Variants in GSAP observed in about 807,000 individuals in gnomAD.
The protein encoded by GSAP is gamma-secretase-activating protein.
In GSAP, 118 loss-of-function variants were observed where a neutral mutation model predicts 131.7. That is an observed-to-expected ratio of 0.90 (90% CI 0.77 to 1.04). GSAP has a LOEUF of 1.04. Among genes scored for constraint, GSAP ranks in the 50% least tolerant of loss-of-function variants. The probability of loss-of-function intolerance (pLI) is 0.00; values close to 1 mark genes in which losing one functional copy is unlikely to be tolerated. For synonymous variants in GSAP, 381 were observed against 363.4 expected, an observed-to-expected ratio of 1.05 and a Z score of -0.55; for missense variants, 1,019 against 1,013.2, an observed-to-expected ratio of 1.01 and a Z score of -0.08.
intron 6 of GSAP, 34 bp from the exon 7 acceptor site, chr7:77,382,677 AC>A: frequency 8.6e-7 from 1 of 1,167,890 alleles, no homozygotes; most frequent in Non-Finnish European, 1.3e-6. Context: ...ATTGTAAGCA[AC>A]TATCTTGCTT....
intron 12 of GSAP, among the ~76,000 whole-genome samples, chr7:77,373,015 C>T (rs1425700966): frequency 6.6e-6 from 1 of 152,094 alleles, no homozygotes; most frequent in African/African-American, 2.4e-5. Context: ...ATGGATTATG[C>T]AGGAGTGAAG....
At chr7:77,326,702 C>T (rs1055907551) in intron 22 of GSAP, 1 of 155,688 alleles carries the variant, frequency 6.4e-6, no homozygotes. Flanking sequence ...AGTTACTGAG[C>T]TGAGGGGGCC....
At chr7:77,374,862 T>C (rs1019038910) in intron 11 of GSAP, among the ~76,000 whole-genome samples, 196 bp downstream of exon 11, 3 of 152,182 alleles carry the variant, frequency 2.0e-5, no homozygotes, top group Non-Finnish European at 4.4e-5. Context: ...AATCATACAA[T>C]TGACCTTATA....
chr7:77,385,610 G>A (rs965838656), intron 6 of GSAP, among the ~76,000 whole-genome samples: 4 of 152,162 alleles, frequency 2.6e-5, no homozygotes, highest in Non-Finnish European at 4.4e-5. Flanking sequence ...CCACATTGAT[G>A]ACAGTGTAGA....
chr7:77,374,387 T>G (rs2150992312), intron 11 of GSAP, among the ~76,000 whole-genome samples: 1 of 152,286 alleles, frequency 6.6e-6, no homozygotes, highest in Non-Finnish European at 1.5e-5. Flanking sequence ...TCTTACATTT[T>G]TATAACTTTT....
At chr7:77,405,094 TTATAG>T (rs139228367) in intron 2 of GSAP, among the ~76,000 whole-genome samples, 9,766 of 152,288 alleles carry the variant, frequency 0.064, 409 homozygotes, top group Non-Finnish European at 0.09. Flanking sequence ...TGTGTGCTTA[TTATAG>T]TAAAGTTAAA....
chr7:77,369,634 A>G (rs1369635184), intron 12 of GSAP, among the ~76,000 whole-genome samples: 2 of 152,256 alleles, frequency 1.3e-5, no homozygotes, highest in Admixed American at 6.5e-5. Context: ...TAAGTCCATC[A>G]GCATTCCTTT....
At chr7:77,388,203 C>T (rs1198956093) in intron 5 of GSAP, among the ~76,000 whole-genome samples, 3 of 152,246 alleles carry the variant, frequency 2.0e-5, no homozygotes, top group Non-Finnish European at 4.4e-5. Flanking sequence ...GTTGTTTGTA[C>T]TCACTCCATG....
chr7:77,393,621 T>C (rs569353067), intron 5 of GSAP, among the ~76,000 whole-genome samples: 3 of 152,076 alleles, frequency 2.0e-5, no homozygotes, highest in African/African-American at 7.2e-5. Flanking sequence ...CTTTTTCTTA[T>C]GTTCCCATGA....
intron 23 of GSAP, among the ~76,000 whole-genome samples, chr7:77,324,576 G>C (rs114108478): frequency 0.013 from 1,912 of 152,226 alleles, 36 homozygotes; most frequent in African/African-American, 0.044. Flanking sequence ...CAACCTTCAA[G>C]GCCAAGACAT....
At chr7:77,343,563 A>G (rs1020303472) in intron 19 of GSAP, among the ~76,000 whole-genome samples, 3 of 152,216 alleles carry the variant, frequency 2.0e-5, no homozygotes, top group African/African-American at 7.2e-5. Context: ...AAAGGCCATC[A>G]AAAGGTGTCA....
chr7:77,323,593 T>C, intron 24 of GSAP, 54 bp downstream of exon 24: 1 of 850,386 alleles, frequency 1.2e-6, no homozygotes, highest in African/African-American at 1.7e-5. Flanking sequence ...TTTTCAGAAC[T>C]ATATGGGGAG....
At chr7:77,347,132 C>T (rs961287602) in intron 19 of GSAP, among the ~76,000 whole-genome samples, 4 of 152,098 alleles carry the variant, frequency 2.6e-5, no homozygotes, top group African/African-American at 9.7e-5. Context: ...CATGGAAGCT[C>T]CACGTCCCTT....
At chr7:77,324,589 T>C (rs1027989789) in intron 23 of GSAP, among the ~76,000 whole-genome samples, 1 of 152,146 alleles carries the variant, frequency 6.6e-6, no homozygotes, top group Non-Finnish European at 1.5e-5. Context: ...CAAGACATAA[T>C]GGTACCTTAA....
rs78282534 is a variant in GSAP at position 77,415,137 on chromosome 7, C to T, written c.109+1076G>A. 6.7e-3 allele frequency among the ~76,000 whole-genome samples: 1,015 copies of T among 152,302 alleles called. 9 individuals are homozygous for T. The highest frequency in any genetic ancestry group is 0.023 in the African/African-American group (964 of 41,586). On this transcript the variant is annotated intron_variant, in intron 1 of 30. Transcript: ENST00000257626. Reference sequence around the variant, plus strand: ...GCATACGCTACACAAACATATAACTCCTTATTTGGAGCTAATAATATTCCA... The same window carrying T: ...GCATACGCTACACAAACATATAACTTCTTATTTGGAGCTAATAATATTCCA...
intron 6 of GSAP, among the ~76,000 whole-genome samples, chr7:77,382,967 C>A (rs1798012459): frequency 6.6e-6 from 1 of 152,210 alleles, no homozygotes; most frequent in South Asian, 2.1e-4. Flanking sequence ...AGGCAGATCA[C>A]TTGACCTCAG....
intron 1 of GSAP, among the ~76,000 whole-genome samples, 171 bp downstream of exon 1, chr7:77,416,042 G>A (rs1405068007): frequency 1.3e-5 from 2 of 152,242 alleles, no homozygotes; most frequent in African/African-American, 2.4e-5. Context: ...CGCCGTGGCT[G>A]GGTGTGGGTG....
At chr7:77,358,078 C>T (rs1258183371) in intron 14 of GSAP, among the ~76,000 whole-genome samples, 6 of 152,166 alleles carry the variant, frequency 3.9e-5, no homozygotes, top group Non-Finnish European at 8.8e-5. Context: ...CGGTGGCTCA[C>T]GCCTGTAATC....
intron 1 of GSAP, among the ~76,000 whole-genome samples, chr7:77,409,413 C>A (rs1185816983): frequency 2.6e-5 from 4 of 152,134 alleles, no homozygotes; most frequent in Non-Finnish European, 4.4e-5. Flanking sequence ...TCCAGGCCTA[C>A]TATACTTTTC....
Sources: gnomAD v4.1 joint callset for allele counts (sites outside exome capture counted in the v4.1 genomes callset) on GRCh38, gnomAD v4.1.1 for gene constraint, MANE v1.5 for transcripts, NCBI Gene and HGNC (gene_info 2026-07-23, HGNC 2026-07-21) for gene names.